Variants in CCDC91 observed in about 807,000 individuals in gnomAD.
CCDC91 encodes coiled-coil domain containing 91.
CCDC91 carries 48 observed loss-of-function variants against 63.2 expected under a neutral mutation model. The observed-to-expected ratio is 0.76, with a 90% CI of 0.60 to 0.97. The LOEUF (loss-of-function observed/expected upper bound fraction) is 0.97, where lower values mean the gene tolerates loss of function less well. Among genes scored for constraint, CCDC91 ranks in the 50% least tolerant of loss-of-function variants. The pLI, the probability that CCDC91 is intolerant of heterozygous loss-of-function variation, is 0.00. For missense variants in CCDC91, 500 were observed against 494.6 expected (o/e 1.01, Z -0.10); for synonymous variants, 167 against 165.8 (o/e 1.01, Z -0.06).
At chr12:28,252,283 T>C (rs954667578) in intron 1 of CCDC91, among the ~76,000 whole-genome samples, 16 of 152,068 alleles carry the variant, frequency 1.1e-4, no homozygotes, top group Non-Finnish European at 2.1e-4. Context: ...ACAGTTGATA[T>C]ACCCATTACT....
chr12:28,208,542 G>A (rs1431458746), intron 1 of CCDC91, among the ~76,000 whole-genome samples: 8 of 152,136 alleles, frequency 5.3e-5, no homozygotes, highest in Admixed American at 1.3e-4. Flanking sequence ...AAAGTTGGAT[G>A]TCAGAAAAGA....
At chr12:28,220,164 T>C (rs1943841448) in intron 1 of CCDC91, among the ~76,000 whole-genome samples, 2 of 152,116 alleles carry the variant, frequency 1.3e-5, no homozygotes. Flanking sequence ...CTTTTTTTCC[T>C]TCTGCTTTTT....
intron 1 of CCDC91, among the ~76,000 whole-genome samples, chr12:28,252,499 A>G (rs1007920624): frequency 2.0e-5 from 3 of 151,422 alleles, no homozygotes; most frequent in Non-Finnish European, 4.4e-5. Context: ...AAATTTCCTT[A>G]ATTTTATTTT....
At chr12:28,430,856 G>T (rs1360421819) in intron 8 of CCDC91, among the ~76,000 whole-genome samples, 1 of 152,036 alleles carries the variant, frequency 6.6e-6, no homozygotes. Context: ...TTTTCTTGGG[G>T]TCTGCTTACC....
At chr12:28,193,260 A>C (rs1941423657) in intron 1 of CCDC91, among the ~76,000 whole-genome samples, 1 of 152,212 alleles carries the variant, frequency 6.6e-6, no homozygotes, top group Non-Finnish European at 1.5e-5. Flanking sequence ...TTGGTTACAC[A>C]TCTAGGAATG....
rs564922686 is a variant in CCDC91, at chr12:28,504,005, C to G, written c.1215+19840C>G. Reference sequence around the variant, plus strand: ...ATGCTAAATGATGAGTTAATGGGTACAGCACACCAGCATGGCACATGTATA... The same window carrying G: ...ATGCTAAATGATGAGTTAATGGGTAGAGCACACCAGCATGGCACATGTATA... On this transcript the variant is annotated intron_variant, in intron 12 of 12. Transcript: ENST00000536442. Among the ~76,000 whole-genome samples, 37 of 152,002 alleles carry G rather than the reference C, an allele frequency of 2.4e-4. No individual in the cohort carries two copies. In the South Asian group the frequency reaches 3.7e-3, roughly 15 times the overall value.
Position 28,549,055 on chromosome 12 carries a change from T to A in CCDC91, c.1216-8T>A. On this transcript the variant is annotated splice_region_variant and splice_polypyrimidine_tract_variant and intron_variant, in intron 12 of 12. Coordinates refer to ENST00000536442, the MANE Select transcript of CCDC91 (RefSeq NM_018318.5). The stretch of plus-strand genomic sequence containing the variant: ...CTCTTTCTCTCTCTCTTTAAAAAAA[T>A]TAAACAGCTCGATCAAGTCATCCGC... 2.5e-6 allele frequency: 4 copies of A among 1,586,506 alleles called. No homozygotes were observed. The highest frequency in any genetic ancestry group is 2.6e-6 in the Non-Finnish European group (3 of 1,156,996).
intron 8 of CCDC91, among the ~76,000 whole-genome samples, chr12:28,425,061 C>T (rs968628400): frequency 3.3e-5 from 5 of 151,900 alleles, no homozygotes; most frequent in East Asian, 1.9e-4. Flanking sequence ...TTTTTTTCAG[C>T]CTGACCATAA....
chr12:28,387,115 T>A (rs901058434), intron 7 of CCDC91, among the ~76,000 whole-genome samples: 1 of 152,192 alleles, frequency 6.6e-6, no homozygotes, highest in African/African-American at 2.4e-5. Context: ...TATTCAGTTA[T>A]ACAATAATAG....
intron 1 of CCDC91, among the ~76,000 whole-genome samples, chr12:28,256,484 G>A (rs1370156081): frequency 6.8e-6 from 1 of 146,790 alleles, no homozygotes; most frequent in East Asian, 2.0e-4. Context: ...TCATTTTTAT[G>A]ATATACATTT....
At chr12:28,364,441 GC>G (rs755979306) in intron 7 of CCDC91, among the ~76,000 whole-genome samples, 5 of 152,044 alleles carry the variant, frequency 3.3e-5, no homozygotes, top group Non-Finnish European at 7.4e-5. Context: ...ATGATAATTG[GC>G]CCTTTTATAA....
chr12:28,391,389 G>T lies in CCDC91; in HGVS notation c.740G>T (p.Cys247Phe), dbSNP rs540194578. ...ISAIEKQAHK[C>F]EELLNAQHQR... ...GCAATTGAGAAACAGGCACACAAGT[G>T]TGAGGAGTTGCTAAATGCTCAGGTA... Residue 247 changes from cysteine (C) to phenylalanine (F), a missense_variant, in exon 8 of 13, where the codon TGT becomes TTT. Cys to Phe is a radical substitution (Grantham distance 205, BLOSUM62 -2). Transcript: ENST00000536442. The T allele has an allele frequency of 2.5e-6, 4 of 1,609,186 alleles. No homozygotes were observed. Among genetic ancestry groups the T allele is most frequent in the Non-Finnish European group, 2.6e-6 (3 of 1,175,698 alleles).
intron 3 of CCDC91, among the ~76,000 whole-genome samples, chr12:28,276,977 G>A (rs568000896): frequency 2.0e-5 from 3 of 151,752 alleles, no homozygotes; most frequent in South Asian, 2.1e-4. Flanking sequence ...TAAGACTTAC[G>A]GGAAATGAAA....
chr12:28,227,339 A>G (rs1207225136), intron 1 of CCDC91, among the ~76,000 whole-genome samples: 1 of 152,102 alleles, frequency 6.6e-6, no homozygotes, highest in Non-Finnish European at 1.5e-5. Flanking sequence ...ATGGATGATG[A>G]CCATGGATAT....
At chr12:28,324,351 A>T (rs1242167852) in intron 6 of CCDC91, among the ~76,000 whole-genome samples, 1 of 151,880 alleles carries the variant, frequency 6.6e-6, no homozygotes, top group Non-Finnish European at 1.5e-5. Context: ...GCAAATTAAT[A>T]ACAGCAAAGT....
chr12:28,450,241 T>G lies in CCDC91; in HGVS notation c.843T>G (p.Ser281=). 1 of 1,606,222 alleles carries G rather than the reference T, an allele frequency of 6.2e-7. No homozygotes were observed. Among genetic ancestry groups the G allele is most frequent in the Non-Finnish European group, 8.5e-7 (1 of 1,173,722 alleles). Residue 281 remains serine (S), a synonymous_variant, in exon 9 of 13, where the codon TCT becomes TCG. Transcript: ENST00000536442. ...TAAAGGAAGCTTTGATTCAGCAATC[T>G]CAAGAACAGAAGGTAATACTTTAAC... ...EKIKEALIQQ[S]QEQKEILEKC...
At chr12:28,379,719 G>A (rs1236288629) in intron 7 of CCDC91, among the ~76,000 whole-genome samples, 1 of 152,188 alleles carries the variant, frequency 6.6e-6, no homozygotes, top group Non-Finnish European at 1.5e-5. Flanking sequence ...GTGTATATTA[G>A]TTCAACCATT....
chr12:28,212,594 A>T (rs1178728014), intron 1 of CCDC91, among the ~76,000 whole-genome samples: 1 of 152,176 alleles, frequency 6.6e-6, no homozygotes, highest in African/African-American at 2.4e-5. Flanking sequence ...TCAGATATAG[A>T]AGTATGGAAT....
chr12:28,392,910 G>C (rs1470471014), intron 8 of CCDC91, among the ~76,000 whole-genome samples: 1 of 152,186 alleles, frequency 6.6e-6, no homozygotes, highest in Non-Finnish European at 1.5e-5. Flanking sequence ...CTAGTATACA[G>C]TGGTGAGACA....
Sources: gnomAD v4.1 joint callset for allele counts (sites outside exome capture counted in the v4.1 genomes callset) on GRCh38, gnomAD v4.1.1 for gene constraint, MANE v1.5 for transcripts, NCBI Gene and HGNC (gene_info 2026-07-23, HGNC 2026-07-21) for gene names.